AOPEP: variants seen among roughly 807,000 people sequenced by gnomAD.
AOPEP encodes aminopeptidase O (putative).
AOPEP carries 77 observed loss-of-function variants against 98.1 expected under a neutral mutation model. The ratio of observed to expected loss-of-function variants is 0.78; its 90% CI spans 0.65 to 0.95. The LOEUF (loss-of-function observed/expected upper bound fraction) is 0.95. Ranked by LOEUF, AOPEP falls within the 40% of genes least tolerant of loss-of-function variation. The probability of loss-of-function intolerance (pLI) is 0.00; values close to 1 mark genes in which losing one functional copy is unlikely to be tolerated. For missense variants in AOPEP, 1,024 were observed against 1,024.7 expected, an observed-to-expected ratio of 1.00 and a Z score of 0.01; for synonymous variants, 346 against 365.3, an observed-to-expected ratio of 0.95 and a Z score of 0.60.
chr9:94,782,122 G>A (rs1240006924), intron 3 of AOPEP, among the ~76,000 whole-genome samples: 9 of 151,720 alleles, frequency 5.9e-5, no homozygotes, highest in African/African-American at 9.7e-5. Flanking sequence ...CCCGGGAGGC[G>A]GAGGTTGCAG....
the AOPEP span, among the ~76,000 whole-genome samples, chr9:95,120,437 C>G: frequency 2.0e-5 from 3 of 146,946 alleles, no homozygotes; most frequent in African/African-American, 7.6e-5. Context: ...TTTTTTAAGA[C>G]AGCATCTCGC....
At chr9:94,903,841 C>T (rs1341763673) in intron 5 of AOPEP, among the ~76,000 whole-genome samples, 1 of 133,268 alleles carries the variant, frequency 7.5e-6, no homozygotes, top group Non-Finnish European at 1.5e-5. Context: ...TTGCAGTGAG[C>T]TGAGATTGCT....
chr9:95,055,609 G>A (rs1404588840), intron 13 of AOPEP, among the ~76,000 whole-genome samples: 2 of 152,190 alleles, frequency 1.3e-5, no homozygotes, highest in African/African-American at 4.8e-5. Flanking sequence ...CATTCCTGTG[G>A]ACTGAAGGGG....
chr9:94,860,449 G>A (rs1465747045), intron 5 of AOPEP, among the ~76,000 whole-genome samples: 1 of 152,172 alleles, frequency 6.6e-6, no homozygotes, highest in African/African-American at 2.4e-5. Context: ...TGACAAGATT[G>A]CTCAGGTTTC....
intron 5 of AOPEP, among the ~76,000 whole-genome samples, chr9:94,818,302 C>T (rs546320225): frequency 1.3e-4 from 20 of 152,262 alleles, no homozygotes; most frequent in African/African-American, 4.8e-4. Context: ...TCAATAAACA[C>T]ATAAGTTTTG....
Position 95,026,169 on chromosome 9 carries a change from A to G in AOPEP, c.2115+20553A>G, listed in dbSNP as rs545947793. ...ACACTTCATAGCTACCCAGGGCTTC[A>G]GCACAGGTTCTTTCTGTGTATATAT... On this transcript the variant is annotated intron_variant, in intron 13 of 16. Coordinates refer to ENST00000375315, the MANE Select transcript of AOPEP (RefSeq NM_001193329.3). 3.2e-4 allele frequency among the ~76,000 whole-genome samples: 48 copies of G among 152,364 alleles called. No homozygotes were observed. The South Asian group carries it at 9.9e-3, about 32-fold the overall frequency.
chr9:95,125,553 C>T, the AOPEP span, among the ~76,000 whole-genome samples: 2 of 152,174 alleles, frequency 1.3e-5, no homozygotes, highest in Admixed American at 6.5e-5. Flanking sequence ...AAAATGGCCT[C>T]GTCCATCCAC....
rs764771239 is a variant in AOPEP, at chr9:94,784,677, G to T, written c.965-8088G>T. Among the ~76,000 whole-genome samples the T allele has an allele frequency of 2.0e-5, 3 of 152,176 alleles. No individual in the cohort carries two copies. The South Asian group carries it at 6.2e-4, about 32-fold the overall frequency. ...GTCGCCCAGGCTGGAGTACAGTGGTGCAATCTTGGCCCACTGCAACCTCTG... is the reference window on the plus strand; with the variant it reads ...GTCGCCCAGGCTGGAGTACAGTGGTTCAATCTTGGCCCACTGCAACCTCTG... On this transcript the variant is annotated intron_variant, in intron 3 of 16. Coordinates refer to ENST00000375315, the MANE Select transcript of AOPEP (RefSeq NM_001193329.3).
chr9:94,872,742 T>G (rs904467663), intron 5 of AOPEP, among the ~76,000 whole-genome samples: 3 of 152,202 alleles, frequency 2.0e-5, no homozygotes, highest in African/African-American at 7.2e-5. Flanking sequence ...AGATAAAATA[T>G]TTCCTCTTCT....
At chr9:94,847,168 T>A (rs1344552356) in intron 5 of AOPEP, among the ~76,000 whole-genome samples, 5 of 116,428 alleles carry the variant, frequency 4.3e-5, no homozygotes, top group Non-Finnish European at 1.0e-4. Flanking sequence ...TCTGTCTCTC[T>A]CTCTCTCTCT....
At chr9:95,107,114 C>G in the AOPEP span, 13 of 1,614,040 alleles carry the variant, frequency 8.1e-6, no homozygotes, top group African/African-American at 1.5e-4. Context: ...GAGCCCAGAG[C>G]AGGAAGTTGA....
chr9:94,846,675 G>A (rs2135024187), intron 5 of AOPEP, among the ~76,000 whole-genome samples: 1 of 152,344 alleles, frequency 6.6e-6, no homozygotes, highest in East Asian at 1.9e-4. Context: ...CAAGGCCGAG[G>A]TGGTGGGAGG....
chr9:94,775,200 C>A (rs1248293387), intron 3 of AOPEP, among the ~76,000 whole-genome samples: 1 of 151,814 alleles, frequency 6.6e-6, no homozygotes, highest in African/African-American at 2.4e-5. Flanking sequence ...ACTCTTTAAT[C>A]AGTCTGTAAT....
the AOPEP span, chr9:95,111,748 C>A: frequency 8.1e-7 from 1 of 1,234,064 alleles, no homozygotes; most frequent in Non-Finnish European, 1.2e-6. Flanking sequence ...TACTTATCCA[C>A]TGAAGTGCAA....
intron 14 of AOPEP, among the ~76,000 whole-genome samples, chr9:95,074,571 T>G (rs1328060831): frequency 2.0e-5 from 3 of 152,204 alleles, no homozygotes; most frequent in Non-Finnish European, 4.4e-5. Context: ...CTGTCATTGT[T>G]TCTGTTGAGC....
At chr9:94,789,382 G>A (rs1174673098) in intron 3 of AOPEP, among the ~76,000 whole-genome samples, 2 of 152,108 alleles carry the variant, frequency 1.3e-5, no homozygotes, top group African/African-American at 4.8e-5. Context: ...ATGGTTCTTG[G>A]TAAACTCTAA....
chr9:95,143,051 C>T, the AOPEP span, among the ~76,000 whole-genome samples: 2 of 152,334 alleles, frequency 1.3e-5, no homozygotes, highest in Middle Eastern at 3.4e-3. Context: ...GACCAACTAG[C>T]TATAAAATCA....
chr9:94,803,777 A>C lies in AOPEP; in HGVS notation c.1364+2775A>C, dbSNP rs373460967. Among the ~76,000 whole-genome samples the C allele has an allele frequency of 2.3e-4, 35 of 152,200 alleles. No individual in the cohort carries two copies. In the East Asian group the frequency reaches 6.0e-3, roughly 26 times the overall value. ...CCCTACCCTGGTCCTTTTCCAAATCACTGTTCCAGGGGAGAGGGACTTTAA... is the reference window on the plus strand; with the variant it reads ...CCCTACCCTGGTCCTTTTCCAAATCCCTGTTCCAGGGGAGAGGGACTTTAA... On this transcript the variant is annotated intron_variant, in intron 5 of 16. Coordinates refer to ENST00000375315, the MANE Select transcript of AOPEP (RefSeq NM_001193329.3).
the AOPEP span, chr9:95,109,555 A>C: frequency 6.6e-6 from 1 of 152,048 alleles, no homozygotes; most frequent in South Asian, 2.1e-4. Context: ...TGTTGGCAAA[A>C]GGAGATGAAC....
Sources: gnomAD v4.1 joint callset for allele counts (sites outside exome capture counted in the v4.1 genomes callset) on GRCh38, gnomAD v4.1.1 for gene constraint, MANE v1.5 for transcripts, NCBI Gene and HGNC (gene_info 2026-07-23, HGNC 2026-07-21) for gene names.